Variants in RAPGEF5 observed in about 807,000 individuals in gnomAD.
The protein encoded by RAPGEF5 is Rap guanine nucleotide exchange factor 5, also known as M-Ras-regulated GEF.
RAPGEF5 carries 65 observed loss-of-function variants against 125.2 expected under a neutral mutation model. That is an observed-to-expected ratio of 0.52 (90% CI 0.43 to 0.64). The LOEUF (loss-of-function observed/expected upper bound fraction) is 0.64, where lower values mean the gene tolerates loss of function less well. Ranked by LOEUF, RAPGEF5 falls within the 30% of genes least tolerant of loss-of-function variation. The probability of loss-of-function intolerance (pLI) is 0.00; values close to 1 mark genes in which losing one functional copy is unlikely to be tolerated. For synonymous variants in RAPGEF5, 391 were observed against 385.9 expected (o/e 1.01, Z -0.16); for missense variants, 958 against 1,048.1 (o/e 0.91, Z 1.19).
intron 1 of RAPGEF5, among the ~76,000 whole-genome samples, chr7:22,319,889 A>G: frequency 6.6e-6 from 1 of 152,052 alleles, no homozygotes; most frequent in Non-Finnish European, 1.5e-5. Context: ...TTTTCACAAA[A>G]GAAAACAAGC....
chr7:22,301,561 G>A (rs1324424244), intron 5 of RAPGEF5, among the ~76,000 whole-genome samples: 2 of 144,792 alleles, frequency 1.4e-5, no homozygotes, highest in African/African-American at 2.6e-5. Context: ...CTTGCAGTAA[G>A]CCGAGATCGT....
chr7:22,130,849 T>C, intron 24 of RAPGEF5, 188 bp downstream of exon 24: 1 of 718,182 alleles, frequency 1.4e-6, no homozygotes, highest in Non-Finnish European at 2.2e-6. Flanking sequence ...TGTTGTTAAT[T>C]GGAATACATT....
chr7:22,241,625 C>A (rs1246050763), intron 7 of RAPGEF5, among the ~76,000 whole-genome samples: 2 of 152,050 alleles, frequency 1.3e-5, no homozygotes. Context: ...TGATAAAAAC[C>A]TATGGGATGG....
chr7:22,324,054 GT>G (rs2128156297), intron 1 of RAPGEF5, among the ~76,000 whole-genome samples: 1 of 152,246 alleles, frequency 6.6e-6, no homozygotes, highest in Non-Finnish European at 1.5e-5. Context: ...GAAATACTTA[GT>G]AAGTACACAG....
intron 9 of RAPGEF5, among the ~76,000 whole-genome samples, chr7:22,210,917 T>C (rs1225823552): frequency 6.6e-6 from 1 of 152,088 alleles, no homozygotes; most frequent in Non-Finnish European, 1.5e-5. Context: ...AAAACAATCA[T>C]CCTTTTTGCT....
Position 22,219,923 on chromosome 7 carries a change from T to C in RAPGEF5, c.939A>G (p.Ala313=), listed in dbSNP as rs764762720. ...TCTGCAAAAACTGATAGTTTTCTTT[T>C]GCCAGCTTCTGGACTAGTTCAATTC... ...IGRIELVQKL[A]KENYQFLQTD... Residue 313 remains alanine (A), a synonymous_variant, in exon 9 of 26, where the codon GCA becomes GCG. Transcript: ENST00000665637. The C allele has an allele frequency of 3.1e-6, 5 of 1,613,600 alleles. No homozygotes were observed. In the South Asian group the frequency reaches 4.4e-5, roughly 14 times the overall value.
At chr7:22,172,799 C>T (rs573946122) in intron 11 of RAPGEF5, among the ~76,000 whole-genome samples, 34 of 152,254 alleles carry the variant, frequency 2.2e-4, no homozygotes, top group African/African-American at 5.8e-4. Context: ...TATAGCGTTA[C>T]GTAGGAAAAA....
chr7:22,288,798 G>T (rs904391450), intron 6 of RAPGEF5, among the ~76,000 whole-genome samples: 1 of 151,892 alleles, frequency 6.6e-6, no homozygotes, highest in African/African-American at 2.4e-5. Context: ...CTTTCTTTTG[G>T]TTCCCACAAA....
At chr7:22,262,356 G>T (rs755362790) in intron 7 of RAPGEF5, among the ~76,000 whole-genome samples, 15 of 151,978 alleles carry the variant, frequency 9.9e-5, no homozygotes, top group African/African-American at 3.1e-4. Flanking sequence ...TAAAAATGAC[G>T]AAAAGGTATC....
At position 22,342,979 on chromosome 7, in the gene RAPGEF5, T is replaced by C. The variant is rs570979922; in HGVS notation, c.231+13851A>G. Among the ~76,000 whole-genome samples the C allele has an allele frequency of 7.9e-5, 12 of 152,324 alleles. No homozygotes were observed. In the South Asian group the frequency reaches 2.5e-3, roughly 32 times the overall value. ...TCCACATTTTCAGGTATCTTTTCAG[T>C]AGTGCCCCCACTCTACTGGTATCAA... On this transcript the variant is annotated intron_variant, in intron 1 of 25. Coordinates refer to ENST00000665637, the MANE Select transcript of RAPGEF5 (RefSeq NM_012294.5).
chr7:22,167,744 G>A (rs918416611), intron 11 of RAPGEF5, among the ~76,000 whole-genome samples: 1 of 152,178 alleles, frequency 6.6e-6, no homozygotes, highest in African/African-American at 2.4e-5. Flanking sequence ...AGTTAAAATT[G>A]GAGAGCAGGT....
At chr7:22,157,971 C>T in intron 14 of RAPGEF5, 86 bp from the exon 15 acceptor site, 1 of 1,276,246 alleles carries the variant, frequency 7.8e-7, no homozygotes, top group Non-Finnish European at 1.1e-6. Context: ...TTTTCCAGCA[C>T]TAGGCAGAGG....
intron 2 of RAPGEF5, among the ~76,000 whole-genome samples, chr7:22,316,342 A>T (rs2128154627): frequency 9.7e-6 from 1 of 103,508 alleles, no homozygotes; most frequent in South Asian, 3.3e-4. Flanking sequence ...TTTTTTATGT[A>T]TCTACTATAT....
At position 22,194,100 on chromosome 7, in the gene RAPGEF5, A is replaced by G. The variant is rs999806380; in HGVS notation, c.997-67T>C. 33 of 1,332,070 alleles carry G rather than the reference A, an allele frequency of 2.5e-5. No individual in the cohort carries two copies. In the South Asian group the frequency reaches 3.0e-4, roughly 12 times the overall value. The allele number at this position is 1,332,070 out of a possible 1,614,324, so 82.5% of individuals were successfully genotyped here. ...GAGAGAGAAAATTAAAAGTGGGGGG[A>G]AAATGGAGCTAACTCAAGCTGTATT... is the stretch of plus-strand genomic sequence containing the variant. On this transcript the variant is annotated intron_variant, in intron 9 of 25. Coordinates refer to ENST00000665637, the MANE Select transcript of RAPGEF5 (RefSeq NM_012294.5).
In RAPGEF5 at chr7:22,269,892, T is replaced by C. The variant is rs190317797; in HGVS notation, c.748-2880A>G. Among the ~76,000 whole-genome samples the C allele has an allele frequency of 8.7e-3, 1,322 of 152,146 alleles. 25 individuals carry two copies. The highest frequency in any genetic ancestry group is 0.029 in the African/African-American group (1,216 of 41,508). On this transcript the variant is annotated intron_variant, in intron 6 of 25. Coordinates refer to ENST00000665637, the MANE Select transcript of RAPGEF5 (RefSeq NM_012294.5). ...CTAAGGTGCTTCCCAACTCCTAACA[T>C]GTGGGGGATCAGTCAGATTGGTGGG...
chr7:22,129,323 C>A (rs867896933), intron 24 of RAPGEF5, among the ~76,000 whole-genome samples: 6 of 152,176 alleles, frequency 3.9e-5, no homozygotes, highest in Non-Finnish European at 7.3e-5. Flanking sequence ...TCCCACGGCC[C>A]CTTGGACTAG....
chr7:22,163,854 A>G (rs2128113195), intron 12 of RAPGEF5, among the ~76,000 whole-genome samples: 1 of 152,338 alleles, frequency 6.6e-6, no homozygotes, highest in South Asian at 2.1e-4. Context: ...ACAATTGCAA[A>G]ATTGGAATAA....
chr7:22,124,433 G>A (rs916606711), intron 25 of RAPGEF5, among the ~76,000 whole-genome samples: 3 of 152,206 alleles, frequency 2.0e-5, no homozygotes, highest in African/African-American at 7.2e-5. Flanking sequence ...ACTAATTGAT[G>A]TGAATATTTA....
At chr7:22,190,747 G>T (rs1216262653) in intron 11 of RAPGEF5, among the ~76,000 whole-genome samples, 7 of 152,172 alleles carry the variant, frequency 4.6e-5, no homozygotes, top group Non-Finnish European at 1.5e-5. Context: ...GGAAAGCGAT[G>T]AGAAATTACT....
Sources: gnomAD v4.1 joint callset for allele counts (sites outside exome capture counted in the v4.1 genomes callset) on GRCh38, gnomAD v4.1.1 for gene constraint, MANE v1.5 for transcripts, NCBI Gene and HGNC (gene_info 2026-07-23, HGNC 2026-07-21) for gene names.